Variants in TMEM130 observed in about 807,000 individuals in gnomAD.
TMEM130 encodes the protein transmembrane protein 130.
Under a neutral mutation model 42.9 loss-of-function variants are expected in TMEM130, and 37 were observed. The observed-to-expected ratio is 0.86, with a 90% CI of 0.66 to 1.13. The LOEUF is 1.13. Ranked by LOEUF, TMEM130 falls within the 50% of genes most tolerant of loss-of-function variation. The pLI, the probability that TMEM130 is intolerant of heterozygous loss-of-function variation, is 0.00. For synonymous variants in TMEM130, 259 were observed against 237.7 expected, an observed-to-expected ratio of 1.09 and a Z score of -0.82; for missense variants, 545 against 562.6, an observed-to-expected ratio of 0.97 and a Z score of 0.32.
rs1794405991 is a variant in TMEM130 at position 98,848,199 on chromosome 7, G to T, written c.1129C>A (p.Pro377Thr). ...QQKDMVENPE[P>T]PSGVRCCCQM... ...CAGCAGCACCTGACCCCAGAGGGTG[G>T]CTCCGGGTTCTTGTCAGACATGGGG... The change falls in exon 8 of 8, where the codon CCA becomes ACA. Residue 377 changes from proline to threonine, a missense_variant. By Grantham distance (38) the Pro-to-Thr change is conservative. Transcript: ENST00000339375. The T allele has an allele frequency of 6.2e-7, 1 of 1,614,028 alleles. No homozygotes were observed. The highest frequency in any genetic ancestry group is 2.2e-5 in the East Asian group (1 of 44,870).
Position 98,869,176 on chromosome 7 carries a change from T to C in TMEM130, c.85+601A>G, listed in dbSNP as rs1554401005. 7 of 1,283,440 alleles carry C rather than the reference T, an allele frequency of 5.5e-6. No individual in the cohort carries two copies. In the Admixed American group the frequency reaches 1.6e-4, roughly 30 times the overall value. 79.5% of individuals were successfully genotyped at this position (1,283,440 alleles called of 1,614,324 possible). ...GGGGGCAGTAGACACACAACCCTGCTTCCCCCACTCCCCCACCCACACACA... is the reference window on the plus strand; with the variant it reads ...GGGGGCAGTAGACACACAACCCTGCCTCCCCCACTCCCCCACCCACACACA... On this transcript the variant is annotated intron_variant, in intron 1 of 7. Coordinates refer to ENST00000339375, the MANE Select transcript of TMEM130 (RefSeq NM_152913.3). This position sits in a 1 kb window ranked among gnomAD's most constrained non-coding sequence, Gnocchi z 4.7.
At chr7:98,854,494 T>C (rs572217876) in intron 5 of TMEM130, among the ~76,000 whole-genome samples, 1 of 152,146 alleles carries the variant, frequency 6.6e-6, no homozygotes, top group Non-Finnish European at 1.5e-5. Context: ...ATCCCAGCAC[T>C]TGGGGAGGCC....
intron 2 of TMEM130, among the ~76,000 whole-genome samples, chr7:98,860,942 C>CAAA (rs3066865): frequency 6.1e-4 from 42 of 69,396 alleles, no homozygotes; most frequent in African/African-American, 1.5e-3. Context: ...GACTCTGTCT[C>CAAA]AAAAAAAAAA....
chr7:98,850,273 A>ATATATATATATTTT, intron 6 of TMEM130, among the ~76,000 whole-genome samples: 4 of 35,462 alleles, frequency 1.1e-4, no homozygotes, highest in East Asian at 7.7e-4. Flanking sequence ...ATATATATAT[A>ATATATATATATTTT]TTTTTTTTTT....
chr7:98,848,432 G>A lies in TMEM130; in HGVS notation c.1119+151C>T, dbSNP rs797044399. 6.4e-5 allele frequency: 47 copies of A among 736,842 alleles called. No individual in the cohort carries two copies. In the African/African-American group the frequency reaches 6.7e-4, roughly 11 times the overall value. 45.6% of individuals were successfully genotyped at this position (736,842 alleles called of 1,614,324 possible). On this transcript the variant is annotated intron_variant, in intron 7 of 7. Coordinates refer to ENST00000339375, the MANE Select transcript of TMEM130 (RefSeq NM_152913.3). ...ACTTAGCAATTTTTCCTGGTCTACA[G>A]ATGCCTCTTGGGCACATCACCCCAA... is the stretch of plus-strand genomic sequence containing the variant.
Position 98,863,229 on chromosome 7 carries a change from T to C in TMEM130, c.257A>G (p.Glu86Gly). ...ACGGATGGTGGAGCTGAGACCCTTC[T>C]CCATCTTGCCAGTAAGCACCAGCGG... Reference protein sequence around the residue: ...HTPLVLTGKMEKGLSSTIRVV... With the variant: ...HTPLVLTGKMGKGLSSTIRVV... The change falls in exon 2 of 8, where the codon GAG (glutamate) becomes GGG (glycine). Residue 86 changes from glutamate (E) to glycine (G), a missense_variant. Physicochemically the swap from Glu to Gly is moderately conservative, Grantham distance 98. Coordinates refer to ENST00000339375, the MANE Select transcript of TMEM130 (RefSeq NM_152913.3). The C allele has an allele frequency of 1.2e-6, 2 of 1,614,054 alleles. No individual in the cohort carries two copies. The highest frequency in any genetic ancestry group is 2.7e-5 in the African/African-American group (2 of 75,044).
intron 1 of TMEM130, among the ~76,000 whole-genome samples, chr7:98,864,332 A>T (rs1410100415): frequency 6.6e-6 from 1 of 151,242 alleles, no homozygotes; most frequent in Non-Finnish European, 1.5e-5. Flanking sequence ...CAGCCTGCCA[A>T]GTAGCTGTGA....
At chr7:98,860,942 CAAAAAAAAAAAA>C (rs3066865) in intron 2 of TMEM130, among the ~76,000 whole-genome samples, 2 of 69,510 alleles carry the variant, frequency 2.9e-5, no homozygotes, top group Admixed American at 1.9e-4. Flanking sequence ...GACTCTGTCT[CAAAAAAAAAAAA>C]AAAAAAAAAA....
chr7:98,860,177 A>AC lies in TMEM130; in HGVS notation c.551+1dup. The AC allele has an allele frequency of 6.2e-7, 1 of 1,610,906 alleles. No individual in the cohort carries two copies. Among genetic ancestry groups the AC allele is most frequent in the Non-Finnish European group, 8.5e-7 (1 of 1,178,228 alleles). ...AGGGCCTGCAGAGGGGTAAGGACCT[A>AC]CCCGTCCCCGAAGTCCCAGCTGTAG... On this transcript the variant is annotated splice_donor_variant, in intron 3 of 7. Transcript: ENST00000339375. LOFTEE classifies it high-confidence loss of function.
In TMEM130 at chr7:98,848,153, A is replaced by G; in HGVS notation, c.1175T>C (p.Phe392Ser). ...GTACTCAGATGGAGTCTCCAGCAAG[A>G]AAGGCCCACAGCACATCTGGCAGCA... ...RCCCQMCCGP[F>S]LLETPSEYLE... Residue 392 changes from phenylalanine (F) to serine (S), a missense_variant, in exon 8 of 8, where the codon TTC becomes TCC. Coordinates refer to ENST00000339375, the MANE Select transcript of TMEM130 (RefSeq NM_152913.3). 6.2e-7 allele frequency: 1 copy of G among 1,614,140 alleles called. No homozygotes were observed. Among genetic ancestry groups the G allele is most frequent in the Non-Finnish European group, 8.5e-7 (1 of 1,180,014 alleles).
intron 1 of TMEM130, among the ~76,000 whole-genome samples, chr7:98,867,911 A>G (rs1794945203): frequency 6.6e-6 from 1 of 152,182 alleles, no homozygotes; most frequent in South Asian, 2.1e-4. Context: ...AACCAATCAC[A>G]GGGCCTGGTG....
intron 1 of TMEM130, among the ~76,000 whole-genome samples, chr7:98,867,255 G>A (rs1420894128): frequency 6.6e-6 from 1 of 152,184 alleles, no homozygotes; most frequent in South Asian, 2.1e-4. Flanking sequence ...CGCAAACAGA[G>A]TGGGTATATG....
chr7:98,865,361 A>G (rs1794882956), intron 1 of TMEM130, among the ~76,000 whole-genome samples: 1 of 152,168 alleles, frequency 6.6e-6, no homozygotes, highest in Non-Finnish European at 1.5e-5. Context: ...TAATTCCAGC[A>G]CTTTGGGAGG....
rs530965654 is a variant in TMEM130 at position 98,869,461 on chromosome 7, G to C, written c.85+316C>G. ...GCCTCGTCCTCCCCTCCCTTAGCGG[G>C]TGCATGGTCCCCAGGCATCGACGGA... On this transcript the variant is annotated intron_variant, in intron 1 of 7. Coordinates refer to ENST00000339375, the MANE Select transcript of TMEM130 (RefSeq NM_152913.3). This position sits in a 1 kb window ranked among gnomAD's most constrained non-coding sequence, Gnocchi z 4.7. 2.1e-3 allele frequency: 1,926 copies of C among 898,704 alleles called. 2 individuals are homozygous for C. The highest frequency in any genetic ancestry group is 2.4e-3 in the Non-Finnish European group (1,820 of 750,756). 55.7% of individuals were successfully genotyped at this position (898,704 alleles called of 1,614,324 possible).
In TMEM130 at chr7:98,862,137, A is replaced by G. The variant is rs1257869678; in HGVS notation, c.391+958T>C. Among the ~76,000 whole-genome samples, 3 of 152,336 alleles carry G rather than the reference A, an allele frequency of 2.0e-5. No individual in the cohort carries two copies. In the East Asian group the frequency reaches 5.8e-4, roughly 29 times the overall value. Reference sequence around the variant, plus strand: ...CAATGAACACCTTAATGCAAAAGGCATGACCCAAATGCAGGTTTATTTCCT... The same window carrying G: ...CAATGAACACCTTAATGCAAAAGGCGTGACCCAAATGCAGGTTTATTTCCT... On this transcript the variant is annotated intron_variant, in intron 2 of 7. Transcript: ENST00000339375.
chr7:98,859,588 G>A (rs1191405098), intron 3 of TMEM130, among the ~76,000 whole-genome samples: 4 of 152,052 alleles, frequency 2.6e-5, no homozygotes, highest in Non-Finnish European at 5.9e-5. Context: ...AAGGAGAGGA[G>A]CTTCAGGTGG....
intron 2 of TMEM130, among the ~76,000 whole-genome samples, chr7:98,862,289 A>G (rs1200563256): frequency 1.5e-5 from 1 of 66,700 alleles, no homozygotes; most frequent in Non-Finnish European, 3.7e-5. Context: ...ACAAAGAGAC[A>G]GAGACAGAAA....
chr7:98,851,792 T>G (rs1554398315), intron 5 of TMEM130, among the ~76,000 whole-genome samples, 169 bp from the exon 6 acceptor site: 1 of 151,942 alleles, frequency 6.6e-6, no homozygotes, highest in African/African-American at 2.4e-5. Context: ...GACACTATGG[T>G]GCAAAAGAGA....
In TMEM130 at chr7:98,862,982, AT is replaced by A. The variant is rs879964573; in HGVS notation, c.391+112del. 2.8e-3 allele frequency: 3,204 copies of A among 1,162,770 alleles called. 70 individuals are homozygous for A. The African/African-American group carries it at 0.091, about 33-fold the overall frequency. The allele number at this position is 1,162,770 out of a possible 1,614,324, so 72.0% of individuals were successfully genotyped here. A position where few individuals can be genotyped will look rare whatever the true frequency, so the allele number is the denominator to read the frequency against. On this transcript the variant is annotated intron_variant, in intron 2 of 7. Coordinates refer to ENST00000339375, the MANE Select transcript of TMEM130 (RefSeq NM_152913.3). ...CCCGGGGAAGGAACCTACGGGCCTAATCCCCCAGAACCTACGGGCCTAATCT... is the reference window on the plus strand; with the variant it reads ...CCCGGGGAAGGAACCTACGGGCCTAACCCCCAGAACCTACGGGCCTAATCT...
Sources: allele counts gnomAD v4.1 joint callset (sites outside exome capture counted in the v4.1 genomes callset), GRCh38; gene constraint gnomAD v4.1.1; non-coding constraint Gnocchi (gnomAD v3.1); transcripts MANE v1.5; gene names NCBI Gene and HGNC (gene_info 2026-07-23, HGNC 2026-07-21).